The following BRD7 variants were observed in gnomAD, a reference collection of about 807,000 sequenced individuals.
BRD7 encodes bromodomain-containing protein 7.
BRD7 carries 15 observed loss-of-function variants against 82.1 expected under a neutral mutation model. That is an observed-to-expected ratio of 0.18 (90% CI 0.12 to 0.28). The LOEUF is 0.28. Among genes scored for constraint, BRD7 ranks in the 10% least tolerant of loss-of-function variants. The probability of loss-of-function intolerance (pLI) is 1.00; values close to 1 mark genes in which losing one functional copy is unlikely to be tolerated. For missense variants in BRD7, 638 were observed against 779.9 expected, an observed-to-expected ratio of 0.82 and a Z score of 2.17; for synonymous variants, 232 against 266.9, an observed-to-expected ratio of 0.87 and a Z score of 1.27.
chr16:50,328,539 T>C (rs1361375160), intron 9 of BRD7, 130 bp downstream of exon 9: 18 of 677,784 alleles, frequency 2.7e-5, no homozygotes, highest in Admixed American at 1.0e-4. Flanking sequence ...ACATGATGTC[T>C]AGCTAGATCC....
chr16:50,343,982 C>T (rs1396230548), intron 5 of BRD7, among the ~76,000 whole-genome samples: 1 of 152,154 alleles, frequency 6.6e-6, no homozygotes, highest in Non-Finnish European at 1.5e-5. Context: ...AGTCCCTGAC[C>T]CCCGAGTAGC....
At chr16:50,359,917 A>T (rs1310354331) in intron 2 of BRD7, among the ~76,000 whole-genome samples, 1 of 152,182 alleles carries the variant, frequency 6.6e-6, no homozygotes, top group Non-Finnish European at 1.5e-5. Flanking sequence ...TCTTGTATGC[A>T]TGAAGATCTG....
intron 2 of BRD7, among the ~76,000 whole-genome samples, chr16:50,361,165 T>C (rs192280562): frequency 2.0e-5 from 3 of 152,326 alleles, no homozygotes; most frequent in Admixed American, 6.5e-5. Context: ...TTTAGAATAG[T>C]GTCTGGCAGA....
intron 2 of BRD7, among the ~76,000 whole-genome samples, chr16:50,355,178 A>G (rs893950369): frequency 3.9e-5 from 6 of 152,208 alleles, no homozygotes; most frequent in Non-Finnish European, 7.3e-5. Context: ...GTGTATATAG[A>G]AATAAATCTA....
chr16:50,363,659 G>A (rs954909265), intron 2 of BRD7, among the ~76,000 whole-genome samples: 1 of 54,834 alleles, frequency 1.8e-5, no homozygotes, highest in Admixed American at 2.3e-4. Context: ...GTGTGTGTGT[G>A]TGCGCGCGCG....
At chr16:50,325,705 T>C in intron 11 of BRD7, 43 bp downstream of exon 11, 3 of 1,531,086 alleles carry the variant, frequency 2.0e-6, no homozygotes, top group Non-Finnish European at 1.8e-6. Context: ...TGTACTTTAA[T>C]GTTTTTAAAC....
chr16:50,334,644 T>C (rs1006000862), intron 7 of BRD7, 67 bp downstream of exon 7: 2 of 1,552,306 alleles, frequency 1.3e-6, no homozygotes, highest in Admixed American at 1.8e-5. Flanking sequence ...AGGCCCCGAA[T>C]AAGTATTTTT....
At position 50,326,320 on chromosome 16, in the gene BRD7, C is replaced by T. The variant is rs771774351; in HGVS notation, c.1159G>A (p.Gly387Arg). The change falls in exon 10 of 17, where the codon GGG becomes AGG. Residue 387 changes from glycine (G) to arginine (R), a missense_variant. Gly to Arg is a moderately radical substitution (Grantham distance 125). Coordinates refer to ENST00000394688, the MANE Select transcript of BRD7 (RefSeq NM_013263.5). ...RLQSGVNTLQGFKEDKRNKVT... is the reference protein window; with the variant it reads ...RLQSGVNTLQRFKEDKRNKVT... Reference sequence around the variant, plus strand: ...TTGTTCCTTTTATCCTCTTTGAACCCCTGCAAAGTATTCACTCCAGACTGA... The same window carrying T: ...TTGTTCCTTTTATCCTCTTTGAACCTCTGCAAAGTATTCACTCCAGACTGA... The T allele has an allele frequency of 6.2e-6, 10 of 1,612,186 alleles. No homozygotes were observed. Among genetic ancestry groups the T allele is most frequent in the Non-Finnish European group, 7.6e-6 (9 of 1,178,572 alleles).
At position 50,368,110 on chromosome 16, in the gene BRD7, T is replaced by C; in HGVS notation, c.238A>G (p.Arg80Gly). 1.2e-6 allele frequency: 2 copies of C among 1,613,990 alleles called. No individual in the cohort carries two copies. The highest frequency in any genetic ancestry group is 1.7e-4 in the Middle Eastern group (1 of 6,056). The change falls in exon 2 of 17, where the codon AGA becomes GGA. Residue 80 changes from arginine to glycine, a missense_variant. Coordinates refer to ENST00000394688, the MANE Select transcript of BRD7 (RefSeq NM_013263.5). ...TGTACCTTAACTCTTCTCCGTTTTC[T>C]CCCCTTTTCTTCCCCTGGAATCTGC... is the stretch of plus-strand genomic sequence containing the variant. ...EKQIPGEEKG[R>G]KRRRVKEDKK...
chr16:50,325,955 A>G (rs1477282216), intron 10 of BRD7, 72 bp from the exon 11 acceptor site: 1 of 1,431,900 alleles, frequency 7.0e-7, no homozygotes, highest in Non-Finnish European at 9.4e-7. Context: ...TTACCAAAAG[A>G]TTATTTATTC....
At chr16:50,362,564 TGATA>T (rs2038972919) in intron 2 of BRD7, among the ~76,000 whole-genome samples, 1 of 152,190 alleles carries the variant, frequency 6.6e-6, no homozygotes, top group African/African-American at 2.4e-5. Context: ...GTCCACTGAC[TGATA>T]AATAAATAAA....
rs553839776 is a variant in BRD7 at position 50,344,162 on chromosome 16, C to T, written c.592-4076G>A. Among the ~76,000 whole-genome samples the T allele has an allele frequency of 5.9e-5, 9 of 152,150 alleles. No homozygotes were observed. In the East Asian group the frequency reaches 1.7e-3, roughly 29 times the overall value. On this transcript the variant is annotated intron_variant, in intron 5 of 16. Transcript: ENST00000394688. Reference sequence around the variant, plus strand: ...TACCCAAACAGGGTCTGGAGTAGACCCCCAGCAAACTCCAACAGACCTGCA... The same window carrying T: ...TACCCAAACAGGGTCTGGAGTAGACTCCCAGCAAACTCCAACAGACCTGCA...
At chr16:50,333,551 A>G in intron 8 of BRD7, 23 bp downstream of exon 8, 1 of 1,601,366 alleles carries the variant, frequency 6.2e-7, no homozygotes, top group Non-Finnish European at 8.5e-7. Context: ...AGGTAGAGAA[A>G]AGAAAAGGCA....
intron 6 of BRD7, 43 bp downstream of exon 6, chr16:50,339,933 C>A: frequency 8.0e-7 from 1 of 1,242,604 alleles, no homozygotes; most frequent in South Asian, 1.3e-5. Flanking sequence ...AACAGCGACA[C>A]AGATTTTAAT....
rs778945743 is a variant in BRD7 at position 50,320,804 on chromosome 16, T to C, written c.1501-30A>G. The C allele has an allele frequency of 3.4e-6, 5 of 1,484,726 alleles. No homozygotes were observed. In the East Asian group the frequency reaches 1.1e-4, roughly 34 times the overall value. 92.0% of individuals were successfully genotyped at this position (1,484,726 alleles called of 1,614,324 possible). On this transcript the variant is annotated intron_variant, in intron 13 of 16. Coordinates refer to ENST00000394688, the MANE Select transcript of BRD7 (RefSeq NM_013263.5). ...TTCAAAAGGAAAAACAGGCAATTAC[T>C]GGCGCTTGCTAAGCCACAGCAGTGT...
rs771331577 is a variant in BRD7, at chr16:50,334,679, A to T, written c.887+32T>A. On this transcript the variant is annotated intron_variant, in intron 7 of 16. Coordinates refer to ENST00000394688, the MANE Select transcript of BRD7 (RefSeq NM_013263.5). ...TCCCCCTTACTAGCTTGAAGAAGAC[A>T]GTTTGACCTTAACATCCCAAAGATC... 3.1e-6 allele frequency: 5 copies of T among 1,608,140 alleles called. No homozygotes were observed. In the East Asian group the frequency reaches 1.1e-4, roughly 36 times the overall value.
At chr16:50,337,740 A>G (rs750061819) in intron 6 of BRD7, among the ~76,000 whole-genome samples, 47 of 152,212 alleles carry the variant, frequency 3.1e-4, no homozygotes, top group Non-Finnish European at 5.6e-4. Context: ...AAACTATTAG[A>G]AGAGTTAACT....
rs574972855 is a variant in BRD7, at chr16:50,320,707, G to A, written c.1568C>T (p.Ala523Val). Residue 523 changes from alanine to valine, a missense_variant, in exon 14 of 17, where the codon GCA becomes GTA. Physicochemically the swap from Ala to Val is moderately conservative, Grantham distance 64 (BLOSUM62 0). Coordinates refer to ENST00000394688, the MANE Select transcript of BRD7 (RefSeq NM_013263.5). ...STQDRLIALK[A>V]VTNFGVPVEV... ...AACTGGAACGCCAAAATTTGTTACT[G>A]CTTTCAGCGCTATGAGCCTGTCTTG... The A allele has an allele frequency of 1.9e-6, 3 of 1,614,138 alleles. No individual in the cohort carries two copies. The highest frequency in any genetic ancestry group is 2.5e-6 in the Non-Finnish European group (3 of 1,180,002).
chr16:50,325,949 CAA>C (rs1260670781), intron 10 of BRD7, 66 bp from the exon 11 acceptor site: 1 of 1,452,206 alleles, frequency 6.9e-7, no homozygotes, highest in Non-Finnish European at 9.3e-7. Flanking sequence ...TTTGTTTTAC[CAA>C]AAGATTATTT....
Sources: gnomAD v4.1 joint callset for allele counts (sites outside exome capture counted in the v4.1 genomes callset) on GRCh38, gnomAD v4.1.1 for gene constraint, MANE v1.5 for transcripts, NCBI Gene and HGNC (gene_info 2026-07-23, HGNC 2026-07-21) for gene names.